CHRM2: variants seen among roughly 807,000 people sequenced by gnomAD.
CHRM2 encodes cholinergic receptor muscarinic 2.
CHRM2 carries 8 observed loss-of-function variants against 25.0 expected under a neutral mutation model. The ratio of observed to expected loss-of-function variants is 0.32; its 90% CI spans 0.19 to 0.58. CHRM2 has a LOEUF of 0.58. Ranked by LOEUF, CHRM2 falls within the 20% of genes least tolerant of loss-of-function variation. The probability of loss-of-function intolerance (pLI) is 0.88; values close to 1 mark genes in which losing one functional copy is unlikely to be tolerated. For synonymous variants in CHRM2, 202 were observed against 205.7 expected (o/e 0.98, Z 0.15); for missense variants, 440 against 567.1 (o/e 0.78, Z 2.28).
At chr7:136,989,248 T>C (rs1420717343) in intron 2 of CHRM2, among the ~76,000 whole-genome samples, 1 of 152,180 alleles carries the variant, frequency 6.6e-6, no homozygotes, top group Admixed American at 6.6e-5. Flanking sequence ...TTTTAACTTT[T>C]TGCATCTTTC....
In CHRM2 at chr7:136,920,689, T is replaced by C. The variant is rs148935627; in HGVS notation, c.-125+51271T>C. Among the ~76,000 whole-genome samples the C allele has an allele frequency of 5.3e-5, 8 of 152,264 alleles. No individual in the cohort carries two copies. The East Asian group carries it at 1.6e-3, about 30-fold the overall frequency. On this transcript the variant is annotated intron_variant, in intron 2 of 3. Transcript: ENST00000680005. ...TTGGGAAAAGCAATTATAGCCACCT[T>C]AAGCTCATCACACCTTAGATTCCTA...
chr7:136,978,964 C>T (rs1802297751), intron 2 of CHRM2, among the ~76,000 whole-genome samples: 1 of 151,930 alleles, frequency 6.6e-6, no homozygotes, highest in African/African-American at 2.4e-5. Context: ...GGGTATATAC[C>T]CAATAATGGG....
At chr7:136,876,998 A>G (rs933965951) in intron 2 of CHRM2, among the ~76,000 whole-genome samples, 1 of 152,078 alleles carries the variant, frequency 6.6e-6, no homozygotes, top group Admixed American at 6.6e-5. Context: ...GGAATTAGGG[A>G]CAGGAATCTA....
Position 136,992,420 on chromosome 7 carries a change from G to A in CHRM2, c.-47+156G>A, listed in dbSNP as rs186505707. ...TGAAATAATATTAATCTGGGTTGTC[G>A]TGTTAGGATATTTCTATTAACTTCC... is the stretch of plus-strand genomic sequence containing the variant. On this transcript the variant is annotated intron_variant, in intron 3 of 3. Coordinates refer to ENST00000680005, the MANE Select transcript of CHRM2 (RefSeq NM_001006630.2). Among the ~76,000 whole-genome samples, 181 of 152,202 alleles carry A rather than the reference G, an allele frequency of 1.2e-3. 1 individual carries two copies. In the Middle Eastern group the frequency reaches 0.037, roughly 31 times the overall value.
intron 2 of CHRM2, among the ~76,000 whole-genome samples, chr7:136,875,373 G>A (rs1251446908): frequency 6.6e-6 from 1 of 152,032 alleles, no homozygotes; most frequent in African/African-American, 2.4e-5. Flanking sequence ...CTAGAAGTGA[G>A]GTTGATATGC....
intron 3 of CHRM2, among the ~76,000 whole-genome samples, chr7:136,997,408 G>A (rs1803678255): frequency 6.6e-6 from 1 of 152,126 alleles, no homozygotes; most frequent in African/African-American, 2.4e-5. Flanking sequence ...GCCCTTGTGA[G>A]TCAAATATAA....
chr7:137,019,282 G>A lies in CHRM2; in HGVS notation c.*3016G>A, dbSNP rs1481225123. The A allele has an allele frequency of 1.3e-5, 2 of 151,896 alleles. No individual in the cohort carries two copies. The highest frequency in any genetic ancestry group is 1.3e-4 in the Admixed American group (2 of 15,216). 9.4% of individuals were successfully genotyped at this position (151,896 alleles called of 1,614,324 possible). On this transcript the variant is annotated 3_prime_UTR_variant, in exon 4 of 4. Coordinates refer to ENST00000680005, the MANE Select transcript of CHRM2 (RefSeq NM_001006630.2). ...GAAAAACTTTTCTCCTGAGTCTGGT[G>A]TATGTGTCAGTCACAGATTGGGAAC...
At chr7:136,931,457 A>G (rs1180692673) in intron 2 of CHRM2, among the ~76,000 whole-genome samples, 8 of 152,230 alleles carry the variant, frequency 5.3e-5, no homozygotes, top group Non-Finnish European at 8.8e-5. Flanking sequence ...TCCTGGAGCT[A>G]TGAAGATACC....
intron 2 of CHRM2, among the ~76,000 whole-genome samples, chr7:136,984,807 T>C (rs946881688): frequency 1.3e-5 from 2 of 151,826 alleles, no homozygotes; most frequent in Admixed American, 1.3e-4. Flanking sequence ...GAAATGAATC[T>C]GGTACCTCAG....
chr7:136,968,398 A>G (rs936997554), intron 2 of CHRM2, among the ~76,000 whole-genome samples: 1 of 142,048 alleles, frequency 7.0e-6, no homozygotes, highest in Non-Finnish European at 1.6e-5. Context: ...GAGGGTGTAG[A>G]ACAAAGGGAA....
At chr7:136,907,397 C>T (rs11976272) in intron 2 of CHRM2, among the ~76,000 whole-genome samples, 34,137 of 151,894 alleles carry the variant, frequency 0.22, 4,959 homozygotes, top group Non-Finnish European at 0.32. Context: ...GATGGTTCGT[C>T]TTGATGGAAG....
chr7:137,011,215 G>GTGTGTGTGTGTGTGTGTGTGTATATA, intron 3 of CHRM2, among the ~76,000 whole-genome samples: 19 of 134,280 alleles, frequency 1.4e-4, no homozygotes, highest in African/African-American at 5.5e-4. Context: ...GTGTGTGTGT[G>GTGTGTGTGTGTGTGTGTGTGTATATA]TATATATATA....
At chr7:136,993,852 A>T (rs1213254201) in intron 3 of CHRM2, among the ~76,000 whole-genome samples, 3 of 152,206 alleles carry the variant, frequency 2.0e-5, no homozygotes, top group African/African-American at 4.8e-5. Context: ...AAAGAAAAAA[A>T]GCACTCACAA....
intron 3 of CHRM2, among the ~76,000 whole-genome samples, chr7:137,011,830 T>G (rs1216885010): frequency 6.6e-6 from 1 of 152,046 alleles, no homozygotes; most frequent in African/African-American, 2.4e-5. Flanking sequence ...GCCAATGTGA[T>G]GAGACCATCC....
chr7:137,001,749 C>T (rs558585661), intron 3 of CHRM2, among the ~76,000 whole-genome samples: 17 of 152,238 alleles, frequency 1.1e-4, no homozygotes, highest in Non-Finnish European at 1.9e-4. Flanking sequence ...AACCTGGTTA[C>T]GACCCCTGAA....
chr7:136,901,631 T>C (rs976820491), intron 2 of CHRM2, among the ~76,000 whole-genome samples: 4 of 151,938 alleles, frequency 2.6e-5, no homozygotes, highest in South Asian at 4.1e-4. Context: ...CCCATTTCCA[T>C]TGTTATTTTT....
Position 137,015,819 on chromosome 7 carries a change from G to A in CHRM2, c.954G>A (p.Glu318=), listed in dbSNP as rs1442558581. 5 of 1,613,014 alleles carry A rather than the reference G, an allele frequency of 3.1e-6. No homozygotes were observed. Among genetic ancestry groups the A allele is most frequent in the Non-Finnish European group, 4.2e-6 (5 of 1,179,400 alleles). Residue 318 remains glutamate, a synonymous_variant, in exon 4 of 4, where the codon GAG becomes GAA. Coordinates refer to ENST00000680005, the MANE Select transcript of CHRM2 (RefSeq NM_001006630.2). This position sits in a 1 kb window ranked among gnomAD's most constrained non-coding sequence, Gnocchi z 5.1. The stretch of plus-strand genomic sequence containing the variant: ...CTTCCCTGGGCCATTCCAAAGATGA[G>A]AACTCTAAGCAAACATGCATCAGAA... ...VSTSLGHSKD[E]NSKQTCIRIG...
chr7:136,870,003 AAGG>A (rs1795754491), intron 2 of CHRM2: 2 of 152,416 alleles, frequency 1.3e-5, no homozygotes. Context: ...GGTCATGGCC[AAGG>A]AGGAGAAGCA....
intron 3 of CHRM2, among the ~76,000 whole-genome samples, chr7:136,993,552 A>G (rs1183776438): frequency 2.0e-5 from 3 of 152,186 alleles, no homozygotes; most frequent in Non-Finnish European, 4.4e-5. Flanking sequence ...ACCCCTTGAC[A>G]GGCATACGGA....
Sources: gnomAD v4.1 joint callset for allele counts (sites outside exome capture counted in the v4.1 genomes callset) on GRCh38, gnomAD v4.1.1 for gene constraint, Gnocchi (gnomAD v3.1) non-coding constraint, MANE v1.5 for transcripts, NCBI Gene and HGNC (gene_info 2026-07-23, HGNC 2026-07-21) for gene names.